The following XKR9 variants were observed in gnomAD, a reference collection of about 807,000 sequenced individuals.
The protein encoded by XKR9 is XK related 9.
A neutral mutation model predicts 32.0 loss-of-function variants in XKR9; 32 were observed. The ratio of observed to expected loss-of-function variants is 1.00; its 90% CI spans 0.76 to 1.34. The LOEUF (loss-of-function observed/expected upper bound fraction) is 1.34. XKR9 is among the 40% of genes most tolerant of loss of function. The pLI, the probability that XKR9 is intolerant of heterozygous loss-of-function variation, is 0.00. For synonymous variants in XKR9, 168 were observed against 143.4 expected (o/e 1.17, Z -1.22); for missense variants, 546 against 429.7 (o/e 1.27, Z -2.39).
chr8:70,754,459 C>G (rs983332471), intron 2 of XKR9, among the ~76,000 whole-genome samples: 1 of 133,336 alleles, frequency 7.5e-6, no homozygotes, highest in African/African-American at 2.5e-5. Context: ...ATCGCCAAGT[C>G]AATCCTAAGC....
intron 4 of XKR9, among the ~76,000 whole-genome samples, chr8:70,723,631 A>G: frequency 6.6e-6 from 1 of 152,174 alleles, no homozygotes; most frequent in Non-Finnish European, 1.5e-5. Context: ...TTTCCTGGGT[A>G]TCACCAGCGG....
chr8:70,881,750 C>G, the XKR9 span, among the ~76,000 whole-genome samples: 5 of 152,186 alleles, frequency 3.3e-5, no homozygotes, highest in Non-Finnish European at 5.9e-5. Context: ...TTTGACCCAG[C>G]AATCCCATTA....
At chr8:70,673,571 C>T (rs567590798) in intron 1 of XKR9, among the ~76,000 whole-genome samples, 1 of 152,156 alleles carries the variant, frequency 6.6e-6, no homozygotes, top group African/African-American at 2.4e-5. Context: ...GGGAGACTAG[C>T]CTGACCAACA....
chr8:70,982,849 C>T, the XKR9 span, among the ~76,000 whole-genome samples: 1 of 152,214 alleles, frequency 6.6e-6, no homozygotes, highest in African/African-American at 2.4e-5. Context: ...AATCATCTCT[C>T]TATTTTAATT....
At chr8:70,787,120 T>C (rs537614705) in intron 2 of XKR9, among the ~76,000 whole-genome samples, 8 of 152,228 alleles carry the variant, frequency 5.3e-5, no homozygotes, top group African/African-American at 1.4e-4. Context: ...AGAGAGAAAT[T>C]TATTATTGCA....
the XKR9 span, among the ~76,000 whole-genome samples, chr8:70,951,865 A>AT: frequency 7.7e-6 from 1 of 129,864 alleles, no homozygotes; most frequent in African/African-American, 3.1e-5. Context: ...CCATAGCATC[A>AT]TTGGGGGGGG....
the XKR9 span, among the ~76,000 whole-genome samples, chr8:70,963,159 C>A: frequency 6.7e-6 from 1 of 149,236 alleles, no homozygotes; most frequent in Non-Finnish European, 1.5e-5. Context: ...GTTGCTCCCA[C>A]CTCATGTGTC....
chr8:71,059,965 T>G, the XKR9 span, among the ~76,000 whole-genome samples: 2,865 of 152,302 alleles, frequency 0.019, 39 homozygotes, highest in South Asian at 0.044. Context: ...CCCATTTTTT[T>G]TGAGACAGTT....
intron 4 of XKR9, among the ~76,000 whole-genome samples, chr8:70,733,501 T>A (rs1328628435): frequency 6.6e-6 from 1 of 152,068 alleles, no homozygotes; most frequent in Non-Finnish European, 1.5e-5. Flanking sequence ...CATGAATTTT[T>A]AAAAAATCAT....
chr8:70,819,687 T>C, the XKR9 span, among the ~76,000 whole-genome samples: 2 of 152,340 alleles, frequency 1.3e-5, no homozygotes, highest in East Asian at 3.9e-4. Context: ...AGGTACTTTG[T>C]ATCCTGGAAA....
chr8:70,679,938 G>A (rs1397774618), intron 2 of XKR9, among the ~76,000 whole-genome samples: 1 of 151,814 alleles, frequency 6.6e-6, no homozygotes, highest in East Asian at 1.9e-4. Context: ...TTCTGCATGA[G>A]TATCATTTAC....
intron 3 of XKR9, among the ~76,000 whole-genome samples, chr8:70,688,352 G>A (rs1013520481): frequency 5.3e-5 from 8 of 152,002 alleles, no homozygotes; most frequent in East Asian, 1.9e-4. Context: ...AGTTCTCCCC[G>A]TCACCCATAC....
chr8:70,812,587 G>C, the XKR9 span, among the ~76,000 whole-genome samples: 3 of 152,096 alleles, frequency 2.0e-5, no homozygotes, highest in African/African-American at 2.4e-5. Flanking sequence ...AAGCAACTTT[G>C]GCAAAGTCTC....
At chr8:70,806,079 AG>A in the XKR9 span, among the ~76,000 whole-genome samples, 1 of 152,176 alleles carries the variant, frequency 6.6e-6, no homozygotes, top group African/African-American at 2.4e-5. Context: ...TGCTGTTCTC[AG>A]CCTCCTTGAG....
the XKR9 span, among the ~76,000 whole-genome samples, chr8:70,865,964 G>A: frequency 6.6e-6 from 1 of 152,154 alleles, no homozygotes; most frequent in Non-Finnish European, 1.5e-5. Context: ...TATTGAGGTT[G>A]TCCTCAAAAT....
chr8:71,058,154 C>A, the XKR9 span, among the ~76,000 whole-genome samples: 3 of 151,300 alleles, frequency 2.0e-5, no homozygotes, highest in African/African-American at 7.3e-5. Context: ...GCACTCCAGC[C>A]TGGGCAACAG....
At chr8:70,937,763 A>C in the XKR9 span, among the ~76,000 whole-genome samples, 1 of 152,060 alleles carries the variant, frequency 6.6e-6, no homozygotes, top group Admixed American at 6.6e-5. Context: ...ATTCAGTCTC[A>C]ATCTTTCTGA....
intron 4 of XKR9, among the ~76,000 whole-genome samples, chr8:70,732,364 G>A (rs571784106): frequency 3.7e-4 from 57 of 152,328 alleles, no homozygotes; most frequent in Middle Eastern, 3.4e-3. Flanking sequence ...GACTATTTCC[G>A]TATTACAATT....
chr8:70,688,590 G>C (rs1819391748), intron 3 of XKR9, among the ~76,000 whole-genome samples: 1 of 151,978 alleles, frequency 6.6e-6, no homozygotes, highest in Admixed American at 6.6e-5. Context: ...CTAATTTTTT[G>C]TATTTTTAGT....
Sources: allele counts gnomAD v4.1 joint callset (sites outside exome capture counted in the v4.1 genomes callset), GRCh38; gene constraint gnomAD v4.1.1; transcripts MANE v1.5; gene names NCBI Gene and HGNC (gene_info 2026-07-23, HGNC 2026-07-21).